Variants in IFI44 observed in about 807,000 individuals in gnomAD.
IFI44 encodes interferon-induced protein 44.
In IFI44, 42 loss-of-function variants were observed where a neutral mutation model predicts 45.0. The ratio of observed to expected loss-of-function variants is 0.93; its 90% CI spans 0.73 to 1.21. The LOEUF is 1.21. Ranked by LOEUF, IFI44 falls within the 50% of genes most tolerant of loss-of-function variation. The pLI is 0.00. For synonymous variants in IFI44, 221 were observed against 188.6 expected (o/e 1.17, Z -1.41); for missense variants, 623 against 525.8 (o/e 1.18, Z -1.81).
Position 78,655,464 on chromosome 1 carries a change from G to T in IFI44, c.793G>T (p.Asp265Tyr), listed in dbSNP as rs1439745907. The change falls in exon 5 of 9, where the codon GAT (aspartate) becomes TAT (tyrosine). Residue 265 changes from aspartate to tyrosine, a missense_variant. Coordinates refer to ENST00000370747, the MANE Select transcript of IFI44 (RefSeq NM_006417.5). ...LSEKEGGLCR[D>Y]DIFYILNGNI... ...TGAGAAAGAAGGCGGCCTGTGCAGG[G>T]ATGACATATTCTATATCTTGAACGG... 1.2e-5 allele frequency: 19 copies of T among 1,613,692 alleles called. No individual in the cohort carries two copies. Among genetic ancestry groups the T allele is most frequent in the Non-Finnish European group, 1.4e-5 (17 of 1,179,790 alleles).
chr1:78,659,659 CA>C (rs1216334661), intron 6 of IFI44, among the ~76,000 whole-genome samples, 176 bp downstream of exon 6: 1 of 152,106 alleles, frequency 6.6e-6, no homozygotes. Context: ...TGACTTTGTG[CA>C]AGTAACTTAA....
chr1:78,654,909 C>T, intron 3 of IFI44, 105 bp from the exon 4 acceptor site: 1 of 878,620 alleles, frequency 1.1e-6, no homozygotes. Context: ...AGTCAAGTTG[C>T]TAATCAAAAA....
intron 2 of IFI44, among the ~76,000 whole-genome samples, chr1:78,653,113 T>C (rs2100437891): frequency 6.6e-6 from 1 of 152,166 alleles, no homozygotes; most frequent in South Asian, 2.1e-4. Flanking sequence ...TAATTTATCC[T>C]TTCTTCACGT....
In IFI44 at chr1:78,650,438, A is replaced by T. The variant is rs1220986342; in HGVS notation, c.243A>T (p.Ala81=). Reference sequence around the variant, plus strand: ...AGTATGCTTCCATCATCCTTTTTGCACTTCAAGATACTAAAATTTCAGAAT... The same window carrying T: ...AGTATGCTTCCATCATCCTTTTTGCTCTTCAAGATACTAAAATTTCAGAAT... ...EGKYASIILF[A]LQDTKISEWK... is the part of the protein sequence containing the mutation. Residue 81 remains alanine, a synonymous_variant, in exon 2 of 9, where the codon GCA becomes GCT. Transcript: ENST00000370747. 6.2e-7 allele frequency: 1 copy of T among 1,613,948 alleles called. No individual in the cohort carries two copies. The highest frequency in any genetic ancestry group is 8.5e-7 in the Non-Finnish European group (1 of 1,179,816).
At position 78,660,558 on chromosome 1, in the gene IFI44, G is replaced by A; in HGVS notation, c.1017G>A (p.Val339=). The A allele has an allele frequency of 6.2e-7, 1 of 1,610,662 alleles. No homozygotes were observed. Among genetic ancestry groups the A allele is most frequent in the Non-Finnish European group, 8.5e-7 (1 of 1,177,092 alleles). Residue 339 remains valine, a synonymous_variant, in exon 7 of 9, where the codon GTG becomes GTA. Coordinates refer to ENST00000370747, the MANE Select transcript of IFI44 (RefSeq NM_006417.5). ...AAAAAATTCTGTTTGGCATAGGTGT[G>A]GTACATGTGGCTTTGCTCACTCATG... ...RIRRELVNAG[V]VHVALLTHVD... is the part of the protein sequence containing the mutation.
rs757709869 is a variant in IFI44, at chr1:78,655,373, C to G, written c.702C>G (p.Tyr234Ter). 2 of 1,611,578 alleles carry G rather than the reference C, an allele frequency of 1.2e-6. No individual in the cohort carries two copies. The highest frequency in any genetic ancestry group is 1.7e-6 in the Non-Finnish European group (2 of 1,179,090). Residue 234 changes from tyrosine to a stop codon, truncating the protein, a stop_gained, in exon 5 of 9, where the codon TAC becomes TAG. Coordinates refer to ENST00000370747, the MANE Select transcript of IFI44 (RefSeq NM_006417.5). LOFTEE classifies it high-confidence loss of function. ...TCTCCCCTCTACAGTATAGGACATA[C>G]TCTATTAGAGACGGGAAAGATGGCA... ...TTGISEKYRT[Y>*]SIRDGKDGKY...
In IFI44 at chr1:78,650,282, G is replaced by A; in HGVS notation, c.87G>A (p.Lys29=). 2 of 1,614,062 alleles carry A rather than the reference G, an allele frequency of 1.2e-6. No homozygotes were observed. Among genetic ancestry groups the A allele is most frequent in the African/African-American group, 2.7e-5 (2 of 75,038 alleles). ...FGGKRLSLLY[K]GSVHGFRNGV... is the part of the protein sequence containing the mutation. ...GGAAGCGGCTTAGCCTTCTCTATAA[G>A]GGTAGTGTCCATGGATTCCGTAATG... Residue 29 remains lysine, a synonymous_variant, in exon 2 of 9, where the codon AAG becomes AAA. Coordinates refer to ENST00000370747, the MANE Select transcript of IFI44 (RefSeq NM_006417.5).
In IFI44 at chr1:78,663,905, A is replaced by C; in HGVS notation, c.*94A>C. The C allele has an allele frequency of 8.6e-7, 1 of 1,162,754 alleles. No individual in the cohort carries two copies. The highest frequency in any genetic ancestry group is 2.5e-5 in the East Asian group (1 of 39,880). The allele number at this position is 1,162,754 out of a possible 1,614,324, so 72.0% of individuals were successfully genotyped here. ...GACCAAAGAGAAGTATCTAAGACCA[A>C]AGGGATGTGTTTTATTAATGTCTAG... is the stretch of plus-strand genomic sequence containing the variant. On this transcript the variant is annotated 3_prime_UTR_variant, in exon 9 of 9. Transcript: ENST00000370747.
chr1:78,663,374 A>G (rs1647584160), intron 8 of IFI44: 1 of 985,152 alleles, frequency 1.0e-6, no homozygotes, highest in South Asian at 4.7e-5. Flanking sequence ...AGGTAGAGGT[A>G]TGTCCTTTTA....
Position 78,662,875 on chromosome 1 carries a change from A to G in IFI44, c.1285A>G (p.Ile429Val). The G allele has an allele frequency of 1.3e-6, 2 of 1,583,310 alleles. No homozygotes were observed. Among genetic ancestry groups the G allele is most frequent in the Non-Finnish European group, 1.7e-6 (2 of 1,167,410 alleles). Residue 429 changes from isoleucine (I) to valine (V), a missense_variant, in exon 8 of 9, where the codon ATA becomes GTA. Physicochemically the swap from Ile to Val is conservative, Grantham distance 29. Coordinates refer to ENST00000370747, the MANE Select transcript of IFI44 (RefSeq NM_006417.5). ...DFLEDLPFEQ[I>V]GNLREEIINC... ...CTTAGAGGATTTGCCTTTTGAGCAA[A>G]TAGGTAGATGGTTTGGTGGTGTGGA...
At chr1:78,655,918 T>C (rs1557702320) in intron 5 of IFI44, among the ~76,000 whole-genome samples, 1 of 152,166 alleles carries the variant, frequency 6.6e-6, no homozygotes. Context: ...TTGAAGTCCC[T>C]AGTCCTCAAT....
At chr1:78,652,774 T>G (rs147645018) in intron 2 of IFI44, among the ~76,000 whole-genome samples, 1 of 152,352 alleles carries the variant, frequency 6.6e-6, no homozygotes, top group East Asian at 1.9e-4. Context: ...CTGCTATAAA[T>G]ATTATTATTG....
chr1:78,660,502 T>G, intron 6 of IFI44, 52 bp from the exon 7 acceptor site: 1 of 1,319,076 alleles, frequency 7.6e-7, no homozygotes, highest in Non-Finnish European at 1.1e-6. Flanking sequence ...GTTAAATAAC[T>G]TGAAAATACT....
At chr1:78,662,660 A>AT (rs761053836) in intron 7 of IFI44, 44 bp from the exon 8 acceptor site, 43 of 1,423,372 alleles carry the variant, frequency 3.0e-5, no homozygotes, top group Non-Finnish European at 4.2e-5. Context: ...ATAAAATAAT[A>AT]TTTTTCACTG....
In IFI44 at chr1:78,663,800, G is replaced by A. The variant is rs749102210; in HGVS notation, c.1324G>A (p.Gly442Arg). The A allele has an allele frequency of 2.5e-6, 4 of 1,610,232 alleles. No individual in the cohort carries two copies. The highest frequency in any genetic ancestry group is 3.4e-5 in the Admixed American group (2 of 59,298). ...GGAGGAAATTATCAACTGTGCACAA[G>A]GAAAAAAATAGATATGTGAAAGGTT... is the stretch of plus-strand genomic sequence containing the variant. ...LREEIINCAQ[G>R]KK The change falls in exon 9 of 9, where the codon GGA (glycine) becomes AGA (arginine). Residue 442 changes from glycine to arginine, a missense_variant. By Grantham distance (125) the Gly-to-Arg change is moderately radical. Coordinates refer to ENST00000370747, the MANE Select transcript of IFI44 (RefSeq NM_006417.5).
chr1:78,651,262 C>T (rs1335068443), intron 2 of IFI44, among the ~76,000 whole-genome samples: 1 of 152,100 alleles, frequency 6.6e-6, no homozygotes, highest in Non-Finnish European at 1.5e-5. Flanking sequence ...GTAGAATCAG[C>T]GGGAACCCGG....
At position 78,655,433 on chromosome 1, in the gene IFI44, G is replaced by C; in HGVS notation, c.762G>C (p.Gly254=). The change falls in exon 5 of 9, where the codon GGG becomes GGC. Residue 254 remains glycine (G), a synonymous_variant. Coordinates refer to ENST00000370747, the MANE Select transcript of IFI44 (RefSeq NM_006417.5). ...YLPFILCDSL[G]LSEKEGGLCR... ...CGTTTATTCTGTGTGACTCACTGGG[G>C]CTGAGTGAGAAAGAAGGCGGCCTGT... 3 of 1,613,476 alleles carry C rather than the reference G, an allele frequency of 1.9e-6. No homozygotes were observed. Among genetic ancestry groups the C allele is most frequent in the Non-Finnish European group, 2.5e-6 (3 of 1,179,466 alleles).
intron 1 of IFI44, 25 bp from the exon 2 acceptor site, chr1:78,650,161 G>GA: frequency 1.3e-6 from 2 of 1,490,162 alleles, no homozygotes; most frequent in Non-Finnish European, 1.8e-6. Context: ...ATATTTAATG[G>GA]AAAATATATA....
At chr1:78,660,790 C>T in intron 7 of IFI44, 136 bp downstream of exon 7, 1 of 696,462 alleles carries the variant, frequency 1.4e-6, no homozygotes, top group Admixed American at 2.1e-5. Flanking sequence ...GGGCCCGTTT[C>T]CCAAGATTTA....
Sources: allele counts gnomAD v4.1 joint callset (sites outside exome capture counted in the v4.1 genomes callset), GRCh38; gene constraint gnomAD v4.1.1; transcripts MANE v1.5; gene names NCBI Gene and HGNC (gene_info 2026-07-23, HGNC 2026-07-21).